CNOT1: variants seen among roughly 807,000 people sequenced by gnomAD.
CNOT1 encodes the protein CCR4-associated factor 1.
A neutral mutation model predicts 273.8 loss-of-function variants in CNOT1; 15 were observed. That is an observed-to-expected ratio of 0.05 (90% CI 0.04 to 0.08). The LOEUF (loss-of-function observed/expected upper bound fraction) is 0.08. Among genes scored for constraint, CNOT1 ranks in the 10% least tolerant of loss-of-function variants. CNOT1 has a pLI of 1.00. For synonymous variants in CNOT1, 1,022 were observed against 1,005.5 expected (o/e 1.02, Z -0.31); for missense variants, 1,644 against 2,912.2 (o/e 0.56, Z 10.02).
intron 16 of CNOT1, among the ~76,000 whole-genome samples, chr16:58,574,208 T>C (rs187520547): frequency 6.6e-6 from 1 of 151,934 alleles, no homozygotes; most frequent in African/African-American, 2.4e-5. Context: ...TACAGGAGTT[T>C]GAGGTTGCAG....
At chr16:58,625,273 G>A (rs1281232469) in intron 1 of CNOT1, among the ~76,000 whole-genome samples, 2 of 152,166 alleles carry the variant, frequency 1.3e-5, no homozygotes, top group African/African-American at 2.4e-5. Flanking sequence ...AGCACTTTGG[G>A]AGGCCGAGGC....
chr16:58,525,748 G>A (rs1318884548), intron 45 of CNOT1, among the ~76,000 whole-genome samples: 1 of 152,124 alleles, frequency 6.6e-6, no homozygotes, highest in Non-Finnish European at 1.5e-5. Flanking sequence ...AAAAATCCTA[G>A]GAGTACCAAC....
chr16:58,522,490 A>G (rs896131860), intron 47 of CNOT1, among the ~76,000 whole-genome samples: 1 of 118,966 alleles, frequency 8.4e-6, no homozygotes, highest in Admixed American at 8.9e-5. Context: ...GGAATACCAT[A>G]TTTAGCACCA....
chr16:58,547,327 G>A lies in CNOT1; in HGVS notation c.3640-31C>T. ...ATAAGAAAAATACTTTCAAAAGCGG[G>A]GAATATACCCCCCAAAATGGTATAA... On this transcript the variant is annotated intron_variant, in intron 26 of 48. Transcript: ENST00000317147. The surrounding 1 kb of genome is among the most constrained non-coding windows in gnomAD (Gnocchi z 4.0). 2 of 1,609,430 alleles carry A rather than the reference G, an allele frequency of 1.2e-6. No individual in the cohort carries two copies. Among genetic ancestry groups the A allele is most frequent in the South Asian group, 1.1e-5 (1 of 89,818 alleles).
intron 1 of CNOT1, among the ~76,000 whole-genome samples, chr16:58,616,648 T>C (rs1220542998): frequency 2.0e-5 from 3 of 152,174 alleles, no homozygotes; most frequent in Non-Finnish European, 4.4e-5. Context: ...TAGTGCTTAT[T>C]TTTCATAATC....
intron 16 of CNOT1, among the ~76,000 whole-genome samples, chr16:58,566,095 C>T (rs2041032259): frequency 6.6e-6 from 1 of 152,208 alleles, no homozygotes; most frequent in African/African-American, 2.4e-5. Context: ...ATGTAGGTTT[C>T]AGATGGTGAT....
At chr16:58,599,576 C>A (rs2042390062) in intron 1 of CNOT1, 65 bp from the exon 2 acceptor site, 1 of 534,064 alleles carries the variant, frequency 1.9e-6, no homozygotes, top group South Asian at 3.4e-5. Context: ...GGAGGCTGGT[C>A]CAGGCGCAGT....
chr16:58,537,813 AG>A, intron 38 of CNOT1, 77 bp downstream of exon 38: 1 of 1,562,178 alleles, frequency 6.4e-7, no homozygotes, highest in Non-Finnish European at 8.7e-7. Flanking sequence ...AAGTAATGTT[AG>A]TAAGTCTGCA....
chr16:58,551,503 TATG>T (rs2040448331), intron 23 of CNOT1, 83 bp downstream of exon 23: 3 of 1,438,904 alleles, frequency 2.1e-6, no homozygotes, highest in Non-Finnish European at 2.9e-6. Flanking sequence ...AGGCATGTGT[TATG>T]ATAAAATTCT....
chr16:58,573,933 G>A (rs1050839586), intron 16 of CNOT1, among the ~76,000 whole-genome samples: 1 of 151,988 alleles, frequency 6.6e-6, no homozygotes, highest in Non-Finnish European at 1.5e-5. Flanking sequence ...ACTGGCCTTT[G>A]AGACACAGAT....
At position 58,547,773 on chromosome 16, in the gene CNOT1, A is replaced by C; in HGVS notation, c.3523-91T>G. 9 of 1,235,210 alleles carry C rather than the reference A, an allele frequency of 7.3e-6. No homozygotes were observed. Among genetic ancestry groups the C allele is most frequent in the Non-Finnish European group, 9.9e-6 (9 of 908,946 alleles). The allele number at this position is 1,235,210 out of a possible 1,614,324, so 76.5% of individuals were successfully genotyped here. A position where few individuals can be genotyped will look rare whatever the true frequency, so the allele number is the denominator to read the frequency against. ...TTGAGAATTCCATTATCCTATCCTAAAGACAAGTCATCATTTCTAAGAACA... is the reference window on the plus strand; with the variant it reads ...TTGAGAATTCCATTATCCTATCCTACAGACAAGTCATCATTTCTAAGAACA... On this transcript the variant is annotated intron_variant, in intron 25 of 48. Coordinates refer to ENST00000317147, the MANE Select transcript of CNOT1 (RefSeq NM_016284.5). The surrounding 1 kb of genome is among the most constrained non-coding windows in gnomAD (Gnocchi z 4.0).
At chr16:58,548,297 G>A (rs1284562100) in intron 25 of CNOT1, among the ~76,000 whole-genome samples, 1 of 152,040 alleles carries the variant, frequency 6.6e-6, no homozygotes, top group African/African-American at 2.4e-5. Context: ...TTCTAAGGGG[G>A]GGCAGAACTA....
rs144224023 is a variant in CNOT1 at position 58,520,651 on chromosome 16, C to T, written c.*307G>A. 68 of 385,110 alleles carry T rather than the reference C, an allele frequency of 1.8e-4. No individual in the cohort carries two copies. Among genetic ancestry groups the T allele is most frequent in the Middle Eastern group, 1.5e-3 (2 of 1,320 alleles). 23.9% of individuals were successfully genotyped at this position (385,110 alleles called of 1,614,324 possible). A position where few individuals can be genotyped will look rare whatever the true frequency, so the allele number is the denominator to read the frequency against. ...TACAAGGTACCAGTTTATGTACTTG[C>T]CTTGGACACAGCTTGCACAAAGCCA... On this transcript the variant is annotated 3_prime_UTR_variant, in exon 49 of 49. Coordinates refer to ENST00000317147, the MANE Select transcript of CNOT1 (RefSeq NM_016284.5).
At chr16:58,587,744 A>C (rs1480969504) in intron 4 of CNOT1, 36 bp downstream of exon 4, 9 of 1,600,852 alleles carry the variant, frequency 5.6e-6, no homozygotes, top group Non-Finnish European at 7.7e-6. Context: ...AAGCCTAAGG[A>C]GAGATCACAC....
chr16:58,586,810 A>C, intron 6 of CNOT1, 62 bp from the exon 7 acceptor site: 1 of 1,536,204 alleles, frequency 6.5e-7, no homozygotes, highest in Non-Finnish European at 8.9e-7. Context: ...TTAAAAAGTC[A>C]TATACCATCA....
intron 46 of CNOT1, 74 bp from the exon 47 acceptor site, chr16:58,523,576 G>A: frequency 7.0e-7 from 1 of 1,436,466 alleles, no homozygotes; most frequent in Non-Finnish European, 9.5e-7. Flanking sequence ...AACTGGCTAG[G>A]GTTTGGGTTT....
chr16:58,588,870 A>G lies in CNOT1; in HGVS notation c.139T>C (p.Leu47=). The change falls in exon 3 of 49, where the codon TTA becomes CTA. Residue 47 remains leucine, a synonymous_variant. Transcript: ENST00000317147. Reference sequence around the variant, plus strand: ...ACATGCGAAAATAGGCAGCGTAATAAATGCCTGTCTGCCTCAGGACCGTGC... The same window carrying G: ...ACATGCGAAAATAGGCAGCGTAATAGATGCCTGTCTGCCTCAGGACCGTGC... ...NRHGPEADRH[L]LRCLFSHVDF... 6.2e-7 allele frequency: 1 copy of G among 1,613,930 alleles called. No individual in the cohort carries two copies.
chr16:58,595,968 G>C (rs1217582000), intron 2 of CNOT1, among the ~76,000 whole-genome samples: 2 of 152,202 alleles, frequency 1.3e-5, no homozygotes, highest in Non-Finnish European at 2.9e-5. Flanking sequence ...TCCACAGAAA[G>C]GTATCAAAGG....
In CNOT1 at chr16:58,623,043, C is replaced by T. The variant is rs150861163; in HGVS notation, c.-175+6685G>A. Among the ~76,000 whole-genome samples, 1,059 of 151,638 alleles carry T rather than the reference C, an allele frequency of 7.0e-3. 9 individuals carry two copies. Among genetic ancestry groups the T allele is most frequent in the African/African-American group, 0.024 (999 of 41,348 alleles). ...CAAAACCCCGTCTCTACTAAAAATA[C>T]AAAAATTAGCCAAGCGTGGTGGCAG... On this transcript the variant is annotated intron_variant, in intron 1 of 48. Transcript: ENST00000317147.
Sources: gnomAD v4.1 joint callset for allele counts (sites outside exome capture counted in the v4.1 genomes callset) on GRCh38, gnomAD v4.1.1 for gene constraint, Gnocchi (gnomAD v3.1) non-coding constraint, MANE v1.5 for transcripts, NCBI Gene and HGNC (gene_info 2026-07-23, HGNC 2026-07-21) for gene names.